The following ISX variants were observed in gnomAD, a reference collection of about 807,000 sequenced individuals.
The protein encoded by ISX is intestine-specific homeobox.
In ISX, 15 loss-of-function variants were observed where a neutral mutation model predicts 16.9. The ratio of observed to expected loss-of-function variants is 0.89; its 90% CI spans 0.59 to 1.36. The LOEUF (loss-of-function observed/expected upper bound fraction) is 1.36. Ranked by LOEUF, ISX falls within the 40% of genes most tolerant of loss-of-function variation. ISX has a pLI of 0.00. For synonymous variants in ISX, 125 were observed against 119.7 expected, an observed-to-expected ratio of 1.04 and a Z score of -0.29; for missense variants, 316 against 306.1, an observed-to-expected ratio of 1.03 and a Z score of -0.24.
At position 35,066,282 on chromosome 22, in the gene ISX, A is replaced by T. The variant is rs549543256; in HGVS notation, c.-517A>T. ...TGTGGAGAGAGGGCTTCGCATGTAA[A>T]GTGACGTCAGGGAAAATAGAACAGA... is the stretch of plus-strand genomic sequence containing the variant. On this transcript the variant is annotated 5_prime_UTR_variant, in exon 1 of 5. It adds an upstream start codon to the 5' untranslated region. Transcript: ENST00000404699. 2 of 152,616 alleles carry T rather than the reference A, an allele frequency of 1.3e-5. No homozygotes were observed. Among genetic ancestry groups the T allele is most frequent in the East Asian group, 3.9e-4 (2 of 5,174 alleles). 9.5% of individuals were successfully genotyped at this position (152,616 alleles called of 1,614,324 possible).
intron 2 of ISX, among the ~76,000 whole-genome samples, chr22:35,076,926 A>C (rs1928996845): frequency 6.6e-6 from 1 of 152,192 alleles, no homozygotes; most frequent in African/African-American, 2.4e-5. Context: ...TGCTGCCTCC[A>C]TCCCCCTCCA....
chr22:35,078,662 C>A (rs1202363247), intron 2 of ISX, among the ~76,000 whole-genome samples: 1 of 152,048 alleles, frequency 6.6e-6, no homozygotes, highest in Non-Finnish European at 1.5e-5. Context: ...AGCGAAAGTA[C>A]TTTGAAAGGA....
rs1928711500 is a variant in ISX at position 35,066,867 on chromosome 22, C to G, written c.-221C>G. 1 of 545,432 alleles carries G rather than the reference C, an allele frequency of 1.8e-6. No homozygotes were observed. The highest frequency in any genetic ancestry group is 1.9e-5 in the African/African-American group (1 of 52,998). The allele number at this position is 545,432 out of a possible 1,614,324, so 33.8% of individuals were successfully genotyped here. A position where few individuals can be genotyped will look rare whatever the true frequency, so the allele number is the denominator to read the frequency against. ...TCCTTTGATGTCAAACTGGTAAGGG[C>G]TGAGCCGTGGGCACAGGATACCACT... On this transcript the variant is annotated 5_prime_UTR_variant, in exon 2 of 5. Coordinates refer to ENST00000404699, the MANE Select transcript of ISX (RefSeq NM_001303508.2).
intron 2 of ISX, among the ~76,000 whole-genome samples, chr22:35,069,348 G>A (rs1031126529): frequency 6.6e-6 from 1 of 152,148 alleles, no homozygotes; most frequent in African/African-American, 2.4e-5. Flanking sequence ...TGGGTGAGAA[G>A]GGCAGGGTTT....
intron 2 of ISX, among the ~76,000 whole-genome samples, chr22:35,078,167 A>ACTTT (rs1929033568): frequency 1.5e-5 from 1 of 66,486 alleles, no homozygotes; most frequent in Non-Finnish European, 3.0e-5. Flanking sequence ...TCCCTTTTGT[A>ACTTT]ATTTTTTTTT....
intron 4 of ISX, 41 bp downstream of exon 4, chr22:35,084,540 T>A: frequency 7.3e-7 from 1 of 1,363,210 alleles, no homozygotes; most frequent in Non-Finnish European, 1.0e-6. Context: ...AGGGAGCCAT[T>A]GTCTGGAAAT....
chr22:35,082,784 T>C, intron 3 of ISX, 115 bp downstream of exon 3: 1 of 1,044,082 alleles, frequency 9.6e-7, no homozygotes, highest in Non-Finnish European at 1.4e-6. Context: ...GTTGGCTTTA[T>C]CCTGTGAGTA....
At chr22:35,067,550 G>A (rs1024405007) in intron 2 of ISX, among the ~76,000 whole-genome samples, 3 of 152,234 alleles carry the variant, frequency 2.0e-5, no homozygotes, top group Non-Finnish European at 4.4e-5. Flanking sequence ...CCTGGGGCTT[G>A]TTATTGTAAC....
intron 2 of ISX, among the ~76,000 whole-genome samples, chr22:35,078,210 C>G (rs918771859): frequency 1.3e-5 from 2 of 148,386 alleles, no homozygotes; most frequent in African/African-American, 5.0e-5. Context: ...TGCACTATAT[C>G]ATTTACTATC....
chr22:35,073,737 G>T (rs1928913522), intron 2 of ISX, among the ~76,000 whole-genome samples: 1 of 152,186 alleles, frequency 6.6e-6, no homozygotes, highest in African/African-American at 2.4e-5. Flanking sequence ...CATGGACAAG[G>T]GCCTGTTAAT....
chr22:35,068,446 C>G (rs1267174209), intron 2 of ISX, among the ~76,000 whole-genome samples: 1 of 152,182 alleles, frequency 6.6e-6, no homozygotes, highest in Non-Finnish European at 1.5e-5. Flanking sequence ...GTGTGTTTCC[C>G]TATAGCTGAG....
chr22:35,075,492 G>T (rs1928957191), intron 2 of ISX, among the ~76,000 whole-genome samples: 1 of 152,158 alleles, frequency 6.6e-6, no homozygotes, highest in South Asian at 2.1e-4. Context: ...GATGGAGTGG[G>T]CCCCACACAC....
intron 2 of ISX, among the ~76,000 whole-genome samples, chr22:35,079,230 A>G (rs923687007): frequency 4.6e-5 from 7 of 152,182 alleles, no homozygotes; most frequent in Non-Finnish European, 2.9e-5. Context: ...TGGGGTAAAA[A>G]GAAAGTGGGC....
In ISX at chr22:35,082,610, GA is replaced by G; in HGVS notation, c.323del (p.Asp108AlafsTer45). On this transcript the variant is annotated frameshift_variant, in exon 3 of 5. Coordinates refer to ENST00000404699, the MANE Select transcript of ISX (RefSeq NM_001303508.2). LOFTEE classifies it high-confidence loss of function. Reference sequence around the variant, plus strand: ...GATCTTCCACTTTACCCACTACCCAGACGTTCACATCCGCAGCCAGCTGGCA... The same window carrying G: ...GATCTTCCACTTTACCCACTACCCAGCGTTCACATCCGCAGCCAGCTGGCA... Reference protein sequence around the residue: ...EKIFHFTHYPDVHIRSQLAAR... With the variant: ...EKIFHFTHYPXVHIRSQLAAR... 1 of 1,614,162 alleles carries G rather than the reference GA, an allele frequency of 6.2e-7. No homozygotes were observed. The highest frequency in any genetic ancestry group is 8.5e-7 in the Non-Finnish European group (1 of 1,180,022).
At chr22:35,073,169 T>C (rs938771824) in intron 2 of ISX, among the ~76,000 whole-genome samples, 3 of 152,212 alleles carry the variant, frequency 2.0e-5, no homozygotes, top group Non-Finnish European at 2.9e-5. Flanking sequence ...TCACTGCATT[T>C]CATTCATTAG....
Position 35,067,167 on chromosome 22 carries a change from T to C in ISX, c.80T>C (p.Leu27Pro), listed in dbSNP as rs1366507915. Reference sequence around the variant, plus strand: ...GGGTGCTGTGAGGCCCCGAAGAAGCTGAGCCTGTCCTTCTCCATTGAGGCG... The same window carrying C: ...GGGTGCTGTGAGGCCCCGAAGAAGCCGAGCCTGTCCTTCTCCATTGAGGCG... ...SLGCCEAPKK[L>P]SLSFSIEAIL... The change falls in exon 2 of 5, where the codon CTG becomes CCG. Residue 27 changes from leucine to proline, a missense_variant. Physicochemically the swap from Leu to Pro is moderately conservative, Grantham distance 98. Transcript: ENST00000404699. The C allele has an allele frequency of 9.9e-6, 16 of 1,613,352 alleles. No individual in the cohort carries two copies. The highest frequency in any genetic ancestry group is 1.4e-5 in the Non-Finnish European group (16 of 1,179,572).
rs542236003 is a variant in ISX at position 35,075,018 on chromosome 22, A to T, written c.230-7500A>T. Among the ~76,000 whole-genome samples, 4 of 152,344 alleles carry T rather than the reference A, an allele frequency of 2.6e-5. No homozygotes were observed. The South Asian group carries it at 8.3e-4, about 32-fold the overall frequency. On this transcript the variant is annotated intron_variant, in intron 2 of 4. Transcript: ENST00000404699. ...AATCTGTGCCCATGCTTCATGTTTA[A>T]TCTCACCAGACCTAAACGCATTGTC...
chr22:35,083,027 C>G (rs1475363865), intron 3 of ISX, among the ~76,000 whole-genome samples: 1 of 152,124 alleles, frequency 6.6e-6, no homozygotes, highest in Non-Finnish European at 1.5e-5. Context: ...CTGCAAAGAG[C>G]CAGATGGTAA....
chr22:35,079,141 A>G (rs1020321624), intron 2 of ISX, among the ~76,000 whole-genome samples: 1 of 152,220 alleles, frequency 6.6e-6, no homozygotes, highest in Non-Finnish European at 1.5e-5. Flanking sequence ...TTCAAGTGTT[A>G]AACCCTCAGA....
Sources: allele counts gnomAD v4.1 joint callset (sites outside exome capture counted in the v4.1 genomes callset), GRCh38; gene constraint gnomAD v4.1.1; transcripts MANE v1.5; gene names NCBI Gene and HGNC (gene_info 2026-07-23, HGNC 2026-07-21).